EYS: variants seen among roughly 807,000 people sequenced by gnomAD.
EYS encodes the protein EGF-like photoreceptor maintenance factor, also known as protein eyes shut homolog.
Under a neutral mutation model 282.1 loss-of-function variants are expected in EYS, and 250 were observed. The observed-to-expected ratio is 0.89, with a 90% confidence interval of 0.80 to 0.98. The LOEUF is 0.98. Among genes scored for constraint, EYS ranks in the 50% least tolerant of loss-of-function variants. The probability of loss-of-function intolerance (pLI) is 0.00; values close to 1 mark genes in which losing one functional copy is unlikely to be tolerated. For synonymous variants in EYS, 1,355 were observed against 1,282.9 expected, an observed-to-expected ratio of 1.06 and a Z score of -1.20; for missense variants, 4,016 against 3,709.0, an observed-to-expected ratio of 1.08 and a Z score of -2.15.
intron 13 of EYS, among the ~76,000 whole-genome samples, chr6:65,007,998 C>T (rs1255412095): frequency 6.6e-6 from 1 of 152,146 alleles, no homozygotes; most frequent in Admixed American, 6.6e-5. Flanking sequence ...TCTGGTATAT[C>T]AGTCAGGTCA....
At chr6:64,181,017 A>G (rs570490120) in intron 31 of EYS, among the ~76,000 whole-genome samples, 59 of 152,184 alleles carry the variant, frequency 3.9e-4, no homozygotes, top group African/African-American at 1.4e-3. Flanking sequence ...TGTGTACCCA[A>G]TGTTTAGCTA....
intron 15 of EYS, among the ~76,000 whole-genome samples, chr6:64,938,128 G>A (rs1020608707): frequency 6.6e-5 from 10 of 151,524 alleles, no homozygotes; most frequent in African/African-American, 2.2e-4. Context: ...GGGGGAAGAA[G>A]GAAATGGGGA....
chr6:64,590,171 A>C, intron 26 of EYS, 52 bp downstream of exon 26: 1 of 1,429,736 alleles, frequency 7.0e-7, no homozygotes, highest in Non-Finnish European at 9.3e-7. Flanking sequence ...TCTTCTCTGT[A>C]GAAAAGAAAC....
chr6:63,801,602 G>C (rs1562032869), intron 37 of EYS, among the ~76,000 whole-genome samples: 1 of 152,174 alleles, frequency 6.6e-6, no homozygotes, highest in Non-Finnish European at 1.5e-5. Context: ...CAGTCTCTAA[G>C]ATGTACATTA....
chr6:65,371,140 T>C lies in EYS; in HGVS notation c.1299+13246A>G, dbSNP rs141887065. On this transcript the variant is annotated intron_variant, in intron 8 of 42. Transcript: ENST00000503581. Reference sequence around the variant, plus strand: ...TGAAAATATTTTTTAAGACAAATGATGGTGGCCTCTGTATGAAACACACAG... The same window carrying C: ...TGAAAATATTTTTTAAGACAAATGACGGTGGCCTCTGTATGAAACACACAG... Among the ~76,000 whole-genome samples the C allele has an allele frequency of 4.3e-3, 652 of 151,772 alleles. 9 individuals carry two copies. The highest frequency in any genetic ancestry group is 0.015 in the African/African-American group (619 of 41,334).
At chr6:64,634,176 G>C (rs556060365) in intron 22 of EYS, among the ~76,000 whole-genome samples, 3 of 152,214 alleles carry the variant, frequency 2.0e-5, no homozygotes, top group Non-Finnish European at 4.4e-5. Flanking sequence ...TAAACACAGG[G>C]TTTACCCATG....
At chr6:64,927,738 A>G (rs909840132) in intron 15 of EYS, among the ~76,000 whole-genome samples, 1 of 152,156 alleles carries the variant, frequency 6.6e-6, no homozygotes, top group South Asian at 2.1e-4. Flanking sequence ...AAACAAACAT[A>G]AATAATATCA....
At position 65,701,785 on chromosome 6, in the gene EYS, C is replaced by T. The variant is rs530405228; in HGVS notation, c.-448+5350G>A. 1.4e-4 allele frequency among the ~76,000 whole-genome samples: 22 copies of T among 152,196 alleles called. No individual in the cohort carries two copies. The South Asian group carries it at 4.6e-3, about 32-fold the overall frequency. On this transcript the variant is annotated intron_variant, in intron 1 of 42. Coordinates refer to ENST00000503581, the MANE Select transcript of EYS (RefSeq NM_001142800.2). ...GAATGTGCAGGGAATATTAACAGTG[C>T]ATTTGTTGCATAAATAAATAAAAGG...
At chr6:63,738,957 C>T (rs541809748) in intron 41 of EYS, among the ~76,000 whole-genome samples, 1 of 152,292 alleles carries the variant, frequency 6.6e-6, no homozygotes, top group African/African-American at 2.4e-5. Flanking sequence ...TATCTACTTA[C>T]ATCATTCGTG....
At chr6:64,679,763 T>C (rs1042735191) in intron 22 of EYS, among the ~76,000 whole-genome samples, 4 of 152,214 alleles carry the variant, frequency 2.6e-5, no homozygotes, top group African/African-American at 7.2e-5. Context: ...TAATTATTTT[T>C]TCTTTATTAT....
At chr6:64,824,675 C>A (rs527603909) in intron 19 of EYS, among the ~76,000 whole-genome samples, 2 of 151,756 alleles carry the variant, frequency 1.3e-5, no homozygotes, top group South Asian at 4.2e-4. Flanking sequence ...GGGGCAGGGA[C>A]AGAAAGTGTT....
intron 36 of EYS, among the ~76,000 whole-genome samples, chr6:63,810,079 T>TAAAAAAAAAAAA (rs59987621): frequency 7.3e-6 from 1 of 136,408 alleles, no homozygotes; most frequent in Non-Finnish European, 1.6e-5. Context: ...GCCTCTACTT[T>TAAAAAAAAAAAA]AAAAAAAAAA....
At chr6:64,986,605 T>A (rs1029159574) in intron 14 of EYS, among the ~76,000 whole-genome samples, 1 of 151,406 alleles carries the variant, frequency 6.6e-6, no homozygotes, top group Admixed American at 6.6e-5. Context: ...ACTTTTTGTT[T>A]CTATGTATTA....
chr6:64,020,564 G>C (rs78862189), intron 33 of EYS, among the ~76,000 whole-genome samples: 1 of 152,104 alleles, frequency 6.6e-6, no homozygotes, highest in Non-Finnish European at 1.5e-5. Context: ...AACAGGAAAA[G>C]AAATGGTAAA....
At chr6:64,611,584 T>A (rs1767118147) in intron 24 of EYS, among the ~76,000 whole-genome samples, 1 of 152,130 alleles carries the variant, frequency 6.6e-6, no homozygotes, top group Non-Finnish European at 1.5e-5. Flanking sequence ...ACTAATTGAT[T>A]TTTATATTAT....
At chr6:65,167,709 G>T (rs941707610) in intron 12 of EYS, among the ~76,000 whole-genome samples, 1 of 151,188 alleles carries the variant, frequency 6.6e-6, no homozygotes, top group Non-Finnish European at 1.5e-5. Context: ...TTATATCTCC[G>T]AATATTGCTT....
intron 31 of EYS, among the ~76,000 whole-genome samples, chr6:64,141,939 G>A (rs1011046649): frequency 9.9e-5 from 15 of 152,100 alleles, no homozygotes; most frequent in African/African-American, 3.6e-4. Flanking sequence ...ATAATCCCAT[G>A]TCAAAAGCCA....
At position 65,213,961 on chromosome 6, in the gene EYS, C is replaced by G. The variant is rs577604; in HGVS notation, c.2023+81902G>C. ...AGATGACGAGGTCAGGAGACAGAGA[C>G]CATCCTGGCTAACATGGTGAAATCC... is the stretch of plus-strand genomic sequence containing the variant. On this transcript the variant is annotated intron_variant, in intron 12 of 42. Coordinates refer to ENST00000503581, the MANE Select transcript of EYS (RefSeq NM_001142800.2). Among the ~76,000 whole-genome samples, 535 of 151,828 alleles carry G rather than the reference C, an allele frequency of 3.5e-3. 2 individuals are homozygous for G. The highest frequency in any genetic ancestry group is 0.014 in the Middle Eastern group (4 of 294).
chr6:65,139,750 G>T (rs1192305334), intron 12 of EYS, among the ~76,000 whole-genome samples: 1 of 151,996 alleles, frequency 6.6e-6, no homozygotes, highest in Non-Finnish European at 1.5e-5. Context: ...CACTTTCACT[G>T]CTAGTAGGAA....
Sources: gnomAD v4.1 joint callset for allele counts (sites outside exome capture counted in the v4.1 genomes callset) on GRCh38, gnomAD v4.1.1 for gene constraint, MANE v1.5 for transcripts, NCBI Gene and HGNC (gene_info 2026-07-23, HGNC 2026-07-21) for gene names.